PAK5: variants seen among roughly 807,000 people sequenced by gnomAD.
The protein encoded by PAK5 is p21 (RAC1) activated kinase 5, also known as serine/threonine-protein kinase PAK 5.
Under a neutral mutation model 65.9 loss-of-function variants are expected in PAK5, and 16 were observed. That is an observed-to-expected ratio of 0.24 (90% CI 0.16 to 0.37). The LOEUF is 0.37. Among genes scored for constraint, PAK5 ranks in the 10% least tolerant of loss-of-function variants. The pLI is 1.00. For synonymous variants in PAK5, 371 were observed against 354.9 expected (o/e 1.05, Z -0.51); for missense variants, 785 against 903.9 (o/e 0.87, Z 1.69).
chr20:9,765,208 C>T (rs1432771843), intron 1 of PAK5, among the ~76,000 whole-genome samples: 1 of 152,148 alleles, frequency 6.6e-6, no homozygotes, highest in Non-Finnish European at 1.5e-5. Context: ...GAAAAACAAA[C>T]TCCTATGGGT....
intron 9 of PAK5, among the ~76,000 whole-genome samples, chr20:9,541,285 T>A (rs945000698): frequency 2.0e-5 from 3 of 152,090 alleles, no homozygotes; most frequent in Non-Finnish European, 4.4e-5. Flanking sequence ...ATAGTAGTAG[T>A]CCTGCAGAAA....
At chr20:9,622,218 G>A (rs1247904183) in intron 3 of PAK5, among the ~76,000 whole-genome samples, 1 of 152,190 alleles carries the variant, frequency 6.6e-6, no homozygotes, top group Non-Finnish European at 1.5e-5. Flanking sequence ...CCATTTTGAG[G>A]TAATGCTAGG....
chr20:9,562,388 G>A (rs1051459755), intron 6 of PAK5, among the ~76,000 whole-genome samples: 1 of 152,204 alleles, frequency 6.6e-6, no homozygotes, highest in African/African-American at 2.4e-5. Context: ...AATAGCTGAA[G>A]CAATAGGCTG....
intron 1 of PAK5, among the ~76,000 whole-genome samples, chr20:9,759,271 T>A (rs1363414975): frequency 6.6e-6 from 1 of 152,154 alleles, no homozygotes; most frequent in Non-Finnish European, 1.5e-5. Context: ...AACACCATGT[T>A]TTAATAAAAT....
At chr20:9,615,558 C>T (rs749616203) in intron 3 of PAK5, among the ~76,000 whole-genome samples, 6 of 152,236 alleles carry the variant, frequency 3.9e-5, no homozygotes, top group Non-Finnish European at 8.8e-5. Flanking sequence ...CAGAGGGCTA[C>T]AGTTTGTCGA....
chr20:9,775,179 G>A (rs1187508073), intron 1 of PAK5, among the ~76,000 whole-genome samples: 1 of 152,022 alleles, frequency 6.6e-6, no homozygotes, highest in Non-Finnish European at 1.5e-5. Flanking sequence ...GTTGGGGTGT[G>A]GGTTATACAT....
chr20:9,826,216 A>C (rs2049482291), intron 1 of PAK5, among the ~76,000 whole-genome samples: 2 of 139,152 alleles, frequency 1.4e-5, no homozygotes, highest in Admixed American at 7.0e-5. Context: ...TTTTTCTGGG[A>C]AATTTCACAC....
chr20:9,742,887 ACAGAT>A (rs2048465148), intron 1 of PAK5, among the ~76,000 whole-genome samples: 1 of 152,228 alleles, frequency 6.6e-6, no homozygotes, highest in Admixed American at 6.5e-5. Context: ...CTAGACAAGA[ACAGAT>A]CTTGTAAACA....
intron 2 of PAK5, among the ~76,000 whole-genome samples, chr20:9,687,290 T>C (rs765635906): frequency 6.6e-6 from 1 of 152,200 alleles, no homozygotes; most frequent in African/African-American, 2.4e-5. Flanking sequence ...TTAGATACAG[T>C]GCCAAGATTC....
At chr20:9,546,977 A>G (rs73895905) in intron 7 of PAK5, among the ~76,000 whole-genome samples, 2,431 of 152,330 alleles carry the variant, frequency 0.016, 73 homozygotes, top group African/African-American at 0.055. Context: ...ACATCCATCC[A>G]AAGTGCAGAA....
At chr20:9,639,325 T>C (rs1292690025) in intron 3 of PAK5, among the ~76,000 whole-genome samples, 2 of 152,210 alleles carry the variant, frequency 1.3e-5, no homozygotes, top group Non-Finnish European at 2.9e-5. Context: ...GCCAGTGATG[T>C]TAACTGAACT....
chr20:9,805,207 G>A (rs577368191), intron 1 of PAK5, among the ~76,000 whole-genome samples: 1 of 152,016 alleles, frequency 6.6e-6, no homozygotes, highest in Non-Finnish European at 1.5e-5. Flanking sequence ...GGCTAGAATC[G>A]AATAGTCAGA....
chr20:9,779,192 CCTCTT>C (rs1390534932), intron 1 of PAK5, among the ~76,000 whole-genome samples: 4 of 151,888 alleles, frequency 2.6e-5, no homozygotes, highest in African/African-American at 9.7e-5. Context: ...ACAAAGGAAA[CCTCTT>C]CTTTTTAGAG....
chr20:9,679,699 T>C (rs2047623601), intron 2 of PAK5, among the ~76,000 whole-genome samples: 1 of 152,110 alleles, frequency 6.6e-6, no homozygotes, highest in African/African-American at 2.4e-5. Context: ...TCAAGGACAA[T>C]CTCTGAGAAT....
intron 2 of PAK5, among the ~76,000 whole-genome samples, chr20:9,658,784 CA>C (rs751985210): frequency 1.3e-5 from 2 of 152,132 alleles, no homozygotes; most frequent in Non-Finnish European, 2.9e-5. Flanking sequence ...TGTGACATTG[CA>C]GAACATTTTT....
intron 3 of PAK5, among the ~76,000 whole-genome samples, chr20:9,582,016 T>C (rs1727612729): frequency 6.6e-6 from 1 of 152,216 alleles, no homozygotes; most frequent in South Asian, 2.1e-4. Flanking sequence ...TTTATTTTTT[T>C]TCTTTCCAAG....
At chr20:9,634,569 T>C (rs1344087419) in intron 3 of PAK5, among the ~76,000 whole-genome samples, 3 of 152,162 alleles carry the variant, frequency 2.0e-5, no homozygotes, top group African/African-American at 7.2e-5. Context: ...GAGACATTTA[T>C]GGGGAAAGAT....
chr20:9,689,207 T>C lies in PAK5; in HGVS notation c.-12+22079A>G, dbSNP rs146151638. On this transcript the variant is annotated intron_variant, in intron 2 of 9. Coordinates refer to ENST00000353224, the MANE Select transcript of PAK5 (RefSeq NM_177990.4). ...TGTCACTGCTCTGCAAACTCCCCTC[T>C]GCAGAAACCGTGGGAGGTTCTGTCT... is the stretch of plus-strand genomic sequence containing the variant. Among the ~76,000 whole-genome samples the C allele has an allele frequency of 5.9e-4, 90 of 152,324 alleles. 5 individuals are homozygous for C. The highest frequency in any genetic ancestry group is 2.5e-4 in the Non-Finnish European group (17 of 68,024).
Position 9,542,611 on chromosome 20 carries a change from G to A in PAK5, c.1979C>T (p.Pro660Leu). 1 of 1,613,930 alleles carries A rather than the reference G, an allele frequency of 6.2e-7. No individual in the cohort carries two copies. ...QAMRRIRDSL[P>L]PRVKDLHKVS... ...CTTGTGTAGGTCCTTCACTCTTGGAGGTAAACTGTCCCGGATCCTCCGCAT... is the reference window on the plus strand; with the variant it reads ...CTTGTGTAGGTCCTTCACTCTTGGAAGTAAACTGTCCCGGATCCTCCGCAT... Residue 660 changes from proline to leucine, a missense_variant, in exon 9 of 10, where the codon CCT becomes CTT. Pro to Leu is a moderately conservative substitution (Grantham distance 98, BLOSUM62 -3). Around this residue, in one of 4 missense-constraint regions of PAK5, gnomAD observed 110 missense variants for 107.4 expected, o/e 1.02. Coordinates refer to ENST00000353224, the MANE Select transcript of PAK5 (RefSeq NM_177990.4).
Sources: gnomAD v4.1 joint callset for allele counts (sites outside exome capture counted in the v4.1 genomes callset) on GRCh38, gnomAD v4.1.1 for gene constraint, gnomAD v4.1.1 regional missense constraint, MANE v1.5 for transcripts, NCBI Gene and HGNC (gene_info 2026-07-23, HGNC 2026-07-21) for gene names.